Variants in SLC4A4 observed in about 807,000 individuals in gnomAD.
SLC4A4 encodes solute carrier family 4 member 4.
Under a neutral mutation model 111.5 loss-of-function variants are expected in SLC4A4, and 27 were observed. That is an observed-to-expected ratio of 0.24 (90% CI 0.18 to 0.33). The LOEUF is 0.33. SLC4A4 is among the 10% of genes least tolerant of loss of function. The pLI is 1.00. For synonymous variants in SLC4A4, 443 were observed against 463.4 expected, an observed-to-expected ratio of 0.96 and a Z score of 0.57; for missense variants, 909 against 1,315.5, an observed-to-expected ratio of 0.69 and a Z score of 4.78.
At chr4:71,359,921 A>G (rs1050952018) in intron 6 of SLC4A4, among the ~76,000 whole-genome samples, 55 of 152,112 alleles carry the variant, frequency 3.6e-4, no homozygotes, top group African/African-American at 1.3e-3. Flanking sequence ...AAATAACTGA[A>G]ATTTATAGAG....
intron 2 of SLC4A4, among the ~76,000 whole-genome samples, chr4:71,152,486 A>G (rs1397628292): frequency 6.6e-6 from 1 of 152,210 alleles, no homozygotes; most frequent in Non-Finnish European, 1.5e-5. Context: ...TCATGTTAAT[A>G]TGTGCACATG....
At chr4:71,332,768 C>G (rs1728121567) in intron 3 of SLC4A4, among the ~76,000 whole-genome samples, 1 of 152,216 alleles carries the variant, frequency 6.6e-6, no homozygotes, top group Non-Finnish European at 1.5e-5. Flanking sequence ...TGCGAGCTCA[C>G]TAATTCTTCT....
chr4:71,206,577 G>A (rs1359191334), intron 1 of SLC4A4, among the ~76,000 whole-genome samples: 1 of 152,080 alleles, frequency 6.6e-6, no homozygotes, highest in Non-Finnish European at 1.5e-5. Flanking sequence ...GTACAATACA[G>A]TGGAGTTCAA....
intron 8 of SLC4A4, among the ~76,000 whole-genome samples, chr4:71,444,437 A>G (rs1198052942): frequency 6.6e-6 from 1 of 152,224 alleles, no homozygotes; most frequent in Non-Finnish European, 1.5e-5. Flanking sequence ...ATGAGTGAAT[A>G]AAAAGAACTT....
At chr4:71,414,799 G>T (rs72852193) in intron 7 of SLC4A4, among the ~76,000 whole-genome samples, 2,333 of 152,240 alleles carry the variant, frequency 0.015, 58 homozygotes, top group African/African-American at 0.053. Context: ...AAGAATAAAA[G>T]AAATCCTATG....
intron 3 of SLC4A4, among the ~76,000 whole-genome samples, chr4:71,310,993 G>A (rs1360022962): frequency 6.6e-6 from 1 of 152,146 alleles, no homozygotes; most frequent in East Asian, 1.9e-4. Flanking sequence ...TATTTACCAA[G>A]CAAATGGAAA....
chr4:71,213,028 G>T (rs927473878), intron 1 of SLC4A4, among the ~76,000 whole-genome samples: 1 of 152,168 alleles, frequency 6.6e-6, no homozygotes, highest in Admixed American at 6.5e-5. Flanking sequence ...TGCTGTATGG[G>T]TTTGTAGATT....
chr4:71,331,238 C>A (rs1727957230), intron 3 of SLC4A4, among the ~76,000 whole-genome samples: 1 of 152,104 alleles, frequency 6.6e-6, no homozygotes, highest in Non-Finnish European at 1.5e-5. Context: ...TGGGTATATA[C>A]CCAAAGGATT....
At chr4:71,412,190 G>C (rs1156378980) in intron 7 of SLC4A4, among the ~76,000 whole-genome samples, 1 of 152,198 alleles carries the variant, frequency 6.6e-6, no homozygotes, top group Admixed American at 6.5e-5. Flanking sequence ...GAGTGAATAA[G>C]AACGTGAAAA....
chr4:71,181,190 G>C (rs1745280770), intron 2 of SLC4A4, among the ~76,000 whole-genome samples: 2 of 124,574 alleles, frequency 1.6e-5, no homozygotes, highest in Admixed American at 2.0e-4. Flanking sequence ...ACAGGAAGGG[G>C]AACATCACAC....
intron 1 of SLC4A4, among the ~76,000 whole-genome samples, chr4:71,223,797 G>A (rs928144354): frequency 4.6e-5 from 7 of 151,652 alleles, no homozygotes; most frequent in South Asian, 2.1e-4. Flanking sequence ...TCATGAACTC[G>A]GAGTCTCAAA....
intron 5 of SLC4A4, among the ~76,000 whole-genome samples, chr4:71,350,607 A>G (rs1008851096): frequency 6.6e-6 from 1 of 152,178 alleles, no homozygotes; most frequent in African/African-American, 2.4e-5. Flanking sequence ...TCTCCGAAAA[A>G]GAACCAAGTA....
chr4:71,499,765 T>C (rs2149154940), intron 16 of SLC4A4, among the ~76,000 whole-genome samples: 1 of 152,312 alleles, frequency 6.6e-6, no homozygotes, highest in South Asian at 2.1e-4. Context: ...CAGAATTTCC[T>C]TTGTTTTATG....
chr4:71,331,472 G>GT (rs1202160777), intron 3 of SLC4A4, among the ~76,000 whole-genome samples: 1 of 151,562 alleles, frequency 6.6e-6, no homozygotes, highest in East Asian at 1.9e-4. Context: ...TCAGCAAACT[G>GT]TTGCAGGGAC....
At chr4:71,244,904 T>C (rs1476400110) in intron 2 of SLC4A4, among the ~76,000 whole-genome samples, 2 of 152,120 alleles carry the variant, frequency 1.3e-5, no homozygotes, top group Non-Finnish European at 2.9e-5. Flanking sequence ...ATGATTATTG[T>C]TTAGTCAAAT....
Position 71,139,839 on chromosome 4 carries a change from A to C in SLC4A4, c.-2+47047A>C, listed in dbSNP as rs535840330. 3.3e-5 allele frequency among the ~76,000 whole-genome samples: 5 copies of C among 152,298 alleles called. No homozygotes were observed. In the South Asian group the frequency reaches 8.3e-4, roughly 25 times the overall value. On this transcript the variant is annotated intron_variant, in intron 2 of 26. Transcript: ENST00000649996. The stretch of plus-strand genomic sequence containing the variant: ...ACCATCTTGAGCATTTATCATTTTT[A>C]TATGTTGGGAATATTTCAAATTCTC...
At chr4:71,498,805 A>C (rs1578048645) in intron 16 of SLC4A4, among the ~76,000 whole-genome samples, 1 of 152,286 alleles carries the variant, frequency 6.6e-6, no homozygotes, top group Non-Finnish European at 1.5e-5. Context: ...GAAAGAATTC[A>C]ACCCACAGCC....
At chr4:71,308,881 C>T (rs1184545243) in intron 3 of SLC4A4, among the ~76,000 whole-genome samples, 1 of 152,132 alleles carries the variant, frequency 6.6e-6, no homozygotes, top group African/African-American at 2.4e-5. Context: ...TGAGACAAAA[C>T]CGTTTTCTCC....
At chr4:71,492,239 G>T (rs1006746923) in intron 15 of SLC4A4, among the ~76,000 whole-genome samples, 4 of 151,634 alleles carry the variant, frequency 2.6e-5, no homozygotes, top group African/African-American at 9.7e-5. Flanking sequence ...CCCCATATAC[G>T]CATCACCTAG....
Sources: gnomAD v4.1 joint callset for allele counts (sites outside exome capture counted in the v4.1 genomes callset) on GRCh38, gnomAD v4.1.1 for gene constraint, MANE v1.5 for transcripts, NCBI Gene and HGNC (gene_info 2026-07-23, HGNC 2026-07-21) for gene names.